DTNB: variants seen among roughly 807,000 people sequenced by gnomAD.
The protein encoded by DTNB is DTN-B.
Under a neutral mutation model 90.7 loss-of-function variants are expected in DTNB, and 63 were observed. The observed-to-expected ratio is 0.69, with a 90% confidence interval of 0.57 to 0.86. The LOEUF (loss-of-function observed/expected upper bound fraction) is 0.86, where lower values mean the gene tolerates loss of function less well. DTNB is among the 40% of genes least tolerant of loss of function. The probability of loss-of-function intolerance (pLI) is 0.00; values close to 1 mark genes in which losing one functional copy is unlikely to be tolerated. For synonymous variants in DTNB, 277 were observed against 286.7 expected (o/e 0.97, Z 0.34); for missense variants, 744 against 807.1 (o/e 0.92, Z 0.95).
chr2:25,613,279 G>A (rs984706142), intron 4 of DTNB, among the ~76,000 whole-genome samples: 5 of 152,036 alleles, frequency 3.3e-5, no homozygotes, highest in African/African-American at 9.7e-5. Flanking sequence ...GGGAATACAC[G>A]TGCAGGTTTA....
intron 9 of DTNB, among the ~76,000 whole-genome samples, chr2:25,485,754 A>G (rs2065975831): frequency 6.6e-6 from 1 of 152,122 alleles, no homozygotes; most frequent in Admixed American, 6.6e-5. Context: ...CCAACAGCTC[A>G]GATGCATTCT....
At chr2:25,485,542 C>G (rs1200286891) in intron 9 of DTNB, among the ~76,000 whole-genome samples, 1 of 152,146 alleles carries the variant, frequency 6.6e-6, no homozygotes, top group Non-Finnish European at 1.5e-5. Context: ...CTCTAATATT[C>G]AAAACCAGAC....
At chr2:25,497,677 T>G (rs2069269820) in intron 9 of DTNB, 1 of 152,254 alleles carries the variant, frequency 6.6e-6, no homozygotes, top group South Asian at 2.1e-4. Flanking sequence ...TGTGAGCTGC[T>G]GAGCAGGCTC....
At chr2:25,419,127 A>G (rs932429734) in intron 16 of DTNB, 6 of 227,628 alleles carry the variant, frequency 2.6e-5, no homozygotes, top group Non-Finnish European at 4.4e-5. Flanking sequence ...AGAAGTCCTC[A>G]TTTTCATGCA....
chr2:25,433,539 A>C (rs1241516341), intron 13 of DTNB, among the ~76,000 whole-genome samples: 3 of 150,584 alleles, frequency 2.0e-5, no homozygotes, highest in Non-Finnish European at 2.9e-5. Context: ...TTTTTTTTTA[A>C]GGAGAGACCA....
intron 8 of DTNB, among the ~76,000 whole-genome samples, chr2:25,571,538 C>T (rs144936868): frequency 4.6e-5 from 7 of 152,178 alleles, no homozygotes; most frequent in Non-Finnish European, 7.3e-5. Context: ...AACACTACCT[C>T]TTCTCTTCCC....
chr2:25,394,083 A>T (rs2041828440), intron 16 of DTNB, among the ~76,000 whole-genome samples: 1 of 152,228 alleles, frequency 6.6e-6, no homozygotes, highest in Non-Finnish European at 1.5e-5. Context: ...GAACCCAGAA[A>T]TAAAGCCAAA....
At chr2:25,389,548 C>T (rs751692799) in intron 16 of DTNB, among the ~76,000 whole-genome samples, 2 of 152,242 alleles carry the variant, frequency 1.3e-5, no homozygotes, top group African/African-American at 2.4e-5. Context: ...AAGGGCCGCT[C>T]ACTGAGATGT....
chr2:25,518,834 C>T (rs1201244592), intron 9 of DTNB, among the ~76,000 whole-genome samples: 1 of 152,144 alleles, frequency 6.6e-6, no homozygotes, highest in African/African-American at 2.4e-5. Context: ...AAGCTCAAGG[C>T]CCTAAGACAA....
chr2:25,534,076 T>C (rs1316326354), intron 8 of DTNB, among the ~76,000 whole-genome samples: 1 of 151,928 alleles, frequency 6.6e-6, no homozygotes, highest in Non-Finnish European at 1.5e-5. Flanking sequence ...CATAGGATAA[T>C]AGTGGAGAGG....
chr2:25,544,647 C>T (rs1263138466), intron 8 of DTNB, among the ~76,000 whole-genome samples: 2 of 152,192 alleles, frequency 1.3e-5, no homozygotes, highest in African/African-American at 4.8e-5. Flanking sequence ...TCTATTTTAA[C>T]ATGAACACTT....
intron 9 of DTNB, among the ~76,000 whole-genome samples, chr2:25,518,152 C>T (rs499728): frequency 0.099 from 15,047 of 151,864 alleles, 901 homozygotes; most frequent in African/African-American, 0.16. Context: ...CTGAACTGTA[C>T]GCTTAAAAAC....
chr2:25,401,935 T>C (rs182880910), intron 16 of DTNB, among the ~76,000 whole-genome samples: 3 of 152,300 alleles, frequency 2.0e-5, no homozygotes, highest in African/African-American at 4.8e-5. Context: ...AACAAAGTGG[T>C]CTCTTTGCTG....
intron 18 of DTNB, among the ~76,000 whole-genome samples, chr2:25,385,227 T>C (rs2039140781): frequency 6.6e-6 from 1 of 152,138 alleles, no homozygotes. Flanking sequence ...AAAAACTTTA[T>C]AAAGATGAGG....
intron 1 of DTNB, among the ~76,000 whole-genome samples, chr2:25,660,401 T>C (rs368480867): frequency 6.6e-6 from 1 of 152,254 alleles, no homozygotes; most frequent in East Asian, 1.9e-4. Flanking sequence ...AGAAAATTAA[T>C]CATTGGTTTC....
At chr2:25,665,343 G>C (rs967399618) in intron 1 of DTNB, among the ~76,000 whole-genome samples, 1 of 152,144 alleles carries the variant, frequency 6.6e-6, no homozygotes, top group Non-Finnish European at 1.5e-5. Context: ...AAGTCAGTGA[G>C]GGGCCAGGCG....
intron 1 of DTNB, among the ~76,000 whole-genome samples, 172 bp downstream of exon 1, chr2:25,673,214 G>A (rs1249216322): frequency 6.6e-6 from 1 of 151,432 alleles, no homozygotes; most frequent in African/African-American, 2.4e-5. Flanking sequence ...AGCCGCGCGC[G>A]GTGCAGCGGC....
intron 8 of DTNB, among the ~76,000 whole-genome samples, chr2:25,573,274 T>C (rs1448241943): frequency 6.6e-6 from 1 of 152,124 alleles, no homozygotes; most frequent in Non-Finnish European, 1.5e-5. Context: ...AAACTGTTTA[T>C]ATCCAGGGTT....
At chr2:25,506,337 G>A (rs959641144) in intron 9 of DTNB, among the ~76,000 whole-genome samples, 1 of 152,022 alleles carries the variant, frequency 6.6e-6, no homozygotes, top group Non-Finnish European at 1.5e-5. Flanking sequence ...TCAAGGTGAC[G>A]GATACCCTAA....
Sources: allele counts gnomAD v4.1 joint callset (sites outside exome capture counted in the v4.1 genomes callset), GRCh38; gene constraint gnomAD v4.1.1; transcripts MANE v1.5; gene names NCBI Gene and HGNC (gene_info 2026-07-23, HGNC 2026-07-21).